NR3C1: variants seen among roughly 807,000 people sequenced by gnomAD.
The protein encoded by NR3C1 is glucocorticoid receptor.
In NR3C1, 14 loss-of-function variants were observed where a neutral mutation model predicts 74.0. That is an observed-to-expected ratio of 0.19 (90% CI 0.12 to 0.30). NR3C1 has a LOEUF of 0.30. Among genes scored for constraint, NR3C1 ranks in the 10% least tolerant of loss-of-function variants. The probability of loss-of-function intolerance (pLI) is 1.00; values close to 1 mark genes in which losing one functional copy is unlikely to be tolerated. For synonymous variants in NR3C1, 308 were observed against 332.5 expected (o/e 0.93, Z 0.80); for missense variants, 695 against 909.8 (o/e 0.76, Z 3.04).
At position 143,298,629 on chromosome 5, in the gene NR3C1, C is replaced by A. The variant is rs371452798; in HGVS notation, c.1892+39G>T. ...GGAAAACATCAGCTGGTTAAAGATA[C>A]CCTATGAATACAGGGAAAATGACAC... On this transcript the variant is annotated intron_variant, in intron 6 of 8. Coordinates refer to ENST00000394464, the MANE Select transcript of NR3C1 (RefSeq NM_000176.3). 18 of 1,599,012 alleles carry A rather than the reference C, an allele frequency of 1.1e-5. No homozygotes were observed. In the African/African-American group the frequency reaches 1.7e-4, roughly 15 times the overall value.
chr5:143,356,764 C>G (rs1831222343), intron 2 of NR3C1, among the ~76,000 whole-genome samples: 3 of 151,426 alleles, frequency 2.0e-5, no homozygotes, highest in Admixed American at 2.0e-4. Context: ...TAAACATATA[C>G]TTTTTGCTGA....
intron 2 of NR3C1, among the ~76,000 whole-genome samples, chr5:143,328,573 T>C (rs992546030): frequency 6.6e-6 from 1 of 152,236 alleles, no homozygotes; most frequent in Admixed American, 6.5e-5. Flanking sequence ...CAAACCTTTA[T>C]GTTCTGCTTC....
intron 2 of NR3C1, among the ~76,000 whole-genome samples, chr5:143,386,787 T>C (rs1299383449): frequency 6.6e-6 from 1 of 152,236 alleles, no homozygotes; most frequent in Non-Finnish European, 1.5e-5. Flanking sequence ...TATAAGACTA[T>C]CCCTATAATG....
chr5:143,412,631 CA>C (rs1326497988), intron 1 of NR3C1, among the ~76,000 whole-genome samples: 1 of 152,208 alleles, frequency 6.6e-6, no homozygotes, highest in African/African-American at 2.4e-5. Flanking sequence ...CAGTTTTCCC[CA>C]CTTTCCCTGC....
chr5:143,309,662 T>G (rs1820488175), intron 4 of NR3C1, among the ~76,000 whole-genome samples: 1 of 151,804 alleles, frequency 6.6e-6, no homozygotes, highest in Non-Finnish European at 1.5e-5. Context: ...CGCTTGAAGA[T>G]CTGTAATAAA....
chr5:143,385,006 G>C (rs555565373), intron 2 of NR3C1, among the ~76,000 whole-genome samples: 1 of 152,236 alleles, frequency 6.6e-6, no homozygotes, highest in South Asian at 2.1e-4. Flanking sequence ...CTGAAATCAA[G>C]GCAGAGGCTT....
At chr5:143,362,578 G>C (rs1247906423) in intron 2 of NR3C1, among the ~76,000 whole-genome samples, 1 of 151,952 alleles carries the variant, frequency 6.6e-6, no homozygotes, top group Non-Finnish European at 1.5e-5. Context: ...AGCCAGGATG[G>C]TCTCAATCTC....
At chr5:143,290,507 T>C (rs1349211844) in intron 7 of NR3C1, among the ~76,000 whole-genome samples, 1 of 152,224 alleles carries the variant, frequency 6.6e-6, no homozygotes, top group African/African-American at 2.4e-5. Flanking sequence ...TTTTTTTAAA[T>C]AGCATAAATT....
chr5:143,341,852 C>G (rs1229203128), intron 2 of NR3C1, among the ~76,000 whole-genome samples: 1 of 152,028 alleles, frequency 6.6e-6, no homozygotes, highest in African/African-American at 2.4e-5. Context: ...ATGAATTGAA[C>G]TGAAATATTA....
chr5:143,404,436 C>T (rs1840929607), upstream of NR3C1: 2 of 985,180 alleles, frequency 2.0e-6, no homozygotes, highest in African/African-American at 1.8e-5. Context: ...TCTGGGCGGC[C>T]GGGTCTTCAG....
At chr5:143,373,844 C>T (rs1467783075) in intron 2 of NR3C1, among the ~76,000 whole-genome samples, 2 of 151,882 alleles carry the variant, frequency 1.3e-5, no homozygotes, top group African/African-American at 2.4e-5. Flanking sequence ...TGAGCTGTTC[C>T]TTAAGTTGGG....
At chr5:143,406,468 T>G (rs924642195), upstream of NR3C1, among the ~76,000 whole-genome samples, 10 of 152,166 alleles carry the variant, frequency 6.6e-5, no homozygotes, top group Non-Finnish European at 1.2e-4. Context: ...TGCCTGTTAA[T>G]TTTTTAATTT....
chr5:143,313,396 C>T (rs1037779981), intron 3 of NR3C1, among the ~76,000 whole-genome samples: 1 of 152,086 alleles, frequency 6.6e-6, no homozygotes, highest in African/African-American at 2.4e-5. Context: ...CTCCTCAGGC[C>T]GAGTTTCTCT....
chr5:143,344,783 GA>G (rs1173844710), intron 2 of NR3C1, among the ~76,000 whole-genome samples: 4 of 152,132 alleles, frequency 2.6e-5, no homozygotes, highest in African/African-American at 9.7e-5. Flanking sequence ...TGAGGCAGGA[GA>G]AACTCTTGAA....
rs10482694 is a variant in NR3C1 at position 143,294,391 on chromosome 5, G to A, written c.2023+1069C>T. On this transcript the variant is annotated intron_variant, in intron 7 of 8. Transcript: ENST00000394464. ...GGTTTATAATACCAACTAGTTCATA[G>A]AGCTTTTTTTAAAAAAGACTTTTTT... 1.0e-3 allele frequency: 850 copies of A among 853,692 alleles called. 3 individuals carry two copies. In the African/African-American group the frequency reaches 0.014, roughly 15 times the overall value. The allele number at this position is 853,692 out of a possible 1,614,324, so 52.9% of individuals were successfully genotyped here.
intron 2 of NR3C1, among the ~76,000 whole-genome samples, chr5:143,398,460 A>G (rs572488515): frequency 6.6e-6 from 1 of 151,562 alleles, no homozygotes; most frequent in African/African-American, 2.4e-5. Context: ...TCTTAAGTAC[A>G]GAGGAAAGAA....
At chr5:143,332,315 T>G (rs1451788818) in intron 2 of NR3C1, among the ~76,000 whole-genome samples, 1 of 150,764 alleles carries the variant, frequency 6.6e-6, no homozygotes. Flanking sequence ...TTTGAGTGTT[T>G]TTTTTTTTTT....
intron 2 of NR3C1, among the ~76,000 whole-genome samples, chr5:143,354,995 A>C (rs1830888441): frequency 6.6e-6 from 1 of 152,086 alleles, no homozygotes; most frequent in Non-Finnish European, 1.5e-5. Flanking sequence ...ATGATGAAAA[A>C]GTTTGATATA....
intron 4 of NR3C1, among the ~76,000 whole-genome samples, chr5:143,302,149 C>T (rs1818625296): frequency 6.6e-6 from 1 of 152,018 alleles, no homozygotes; most frequent in Admixed American, 6.6e-5. Flanking sequence ...CTTCATTTCC[C>T]CTTCTGTAAA....
Sources: gnomAD v4.1 joint callset for allele counts (sites outside exome capture counted in the v4.1 genomes callset) on GRCh38, gnomAD v4.1.1 for gene constraint, MANE v1.5 for transcripts, NCBI Gene and HGNC (gene_info 2026-07-23, HGNC 2026-07-21) for gene names.